The following TMTC2 variants were observed in gnomAD, a reference collection of about 807,000 sequenced individuals.
TMTC2 encodes the protein transmembrane O-mannosyltransferase targeting cadherins 2, also known as protein O-mannosyl-transferase TMTC2.
A neutral mutation model predicts 82.4 loss-of-function variants in TMTC2; 43 were observed. The ratio of observed to expected loss-of-function variants is 0.52; its 90% CI spans 0.41 to 0.67. The LOEUF (loss-of-function observed/expected upper bound fraction) is 0.67. Among genes scored for constraint, TMTC2 ranks in the 30% least tolerant of loss-of-function variants. The pLI is 0.00. For synonymous variants in TMTC2, 408 were observed against 381.9 expected (o/e 1.07, Z -0.80); for missense variants, 919 against 1,012.4 (o/e 0.91, Z 1.25).
chr12:83,050,884 CT>C lies in TMTC2; in HGVS notation c.2153-19del. The C allele has an allele frequency of 4.5e-6, 7 of 1,567,406 alleles. No individual in the cohort carries two copies. The highest frequency in any genetic ancestry group is 5.2e-6 in the Non-Finnish European group (6 of 1,144,170). On this transcript the variant is annotated intron_variant, in intron 9 of 11. Coordinates refer to ENST00000321196, the MANE Select transcript of TMTC2 (RefSeq NM_152588.3). ...ATGGGATTTTCTGAGTTGAAGCTCACTGGTTTTTATACTTTTCAGGTCAGTT... is the reference window on the plus strand; with the variant it reads ...ATGGGATTTTCTGAGTTGAAGCTCACGGTTTTTATACTTTTCAGGTCAGTT...
intron 1 of TMTC2, among the ~76,000 whole-genome samples, chr12:82,800,609 T>A (rs752990547): frequency 6.6e-6 from 1 of 152,194 alleles, no homozygotes; most frequent in Non-Finnish European, 1.5e-5. Context: ...TAGTAAATGC[T>A]ATTTAACATC....
intron 11 of TMTC2, among the ~76,000 whole-genome samples, chr12:83,069,877 A>G (rs890809174): frequency 4.6e-5 from 7 of 151,966 alleles, no homozygotes; most frequent in Non-Finnish European, 8.8e-5. Context: ...AAGGTGAGAG[A>G]TAAGGATCCA....
At chr12:83,119,476 T>G (rs1884878774) in intron 11 of TMTC2, among the ~76,000 whole-genome samples, 1 of 152,196 alleles carries the variant, frequency 6.6e-6, no homozygotes, top group South Asian at 2.1e-4. Flanking sequence ...TGGAGTTGAT[T>G]TCCAGTTCTA....
intron 1 of TMTC2, among the ~76,000 whole-genome samples, chr12:82,770,313 T>A (rs1406519586): frequency 3.3e-5 from 5 of 152,208 alleles, no homozygotes; most frequent in African/African-American, 1.2e-4. Context: ...ATTCTGAGTC[T>A]ATTGTTTATA....
chr12:82,871,566 A>G (rs1872177649), intron 2 of TMTC2, among the ~76,000 whole-genome samples: 1 of 152,146 alleles, frequency 6.6e-6, no homozygotes, highest in Non-Finnish European at 1.5e-5. Context: ...AAGTGCTAAT[A>G]TAATTCCTTA....
chr12:83,064,494 A>T (rs1047797518), intron 11 of TMTC2, among the ~76,000 whole-genome samples: 9 of 151,964 alleles, frequency 5.9e-5, no homozygotes, highest in Non-Finnish European at 1.5e-5. Flanking sequence ...TAAATAAATG[A>T]TGTTACCATT....
intron 11 of TMTC2, among the ~76,000 whole-genome samples, chr12:83,127,417 C>T (rs749749764): frequency 6.6e-6 from 1 of 152,022 alleles, no homozygotes; most frequent in Non-Finnish European, 1.5e-5. Context: ...CTTCATAAAA[C>T]GGAAATGGCC....
intron 8 of TMTC2, among the ~76,000 whole-genome samples, chr12:83,026,698 T>C (rs1881191755): frequency 7.2e-6 from 1 of 139,202 alleles, no homozygotes. Flanking sequence ...TTAGAAATGA[T>C]TGAAGGAGTG....
chr12:82,849,228 C>T (rs1366376174), intron 1 of TMTC2, among the ~76,000 whole-genome samples: 1 of 152,064 alleles, frequency 6.6e-6, no homozygotes, highest in Non-Finnish European at 1.5e-5. Flanking sequence ...CTATTTAGTT[C>T]AGTTTAACAA....
chr12:82,841,659 G>T (rs1164864571), intron 1 of TMTC2, among the ~76,000 whole-genome samples: 1 of 152,132 alleles, frequency 6.6e-6, no homozygotes, highest in African/African-American at 2.4e-5. Flanking sequence ...CATGTGTGTT[G>T]CTACAATATG....
At chr12:82,706,171 T>G (rs1873341086) in intron 1 of TMTC2, among the ~76,000 whole-genome samples, 1 of 151,698 alleles carries the variant, frequency 6.6e-6, no homozygotes, top group South Asian at 2.1e-4. Flanking sequence ...TAGCTGGGCT[T>G]GGTGGTGCAT....
intron 11 of TMTC2, among the ~76,000 whole-genome samples, chr12:83,068,573 T>C (rs1000683633): frequency 6.6e-6 from 1 of 152,192 alleles, no homozygotes; most frequent in African/African-American, 2.4e-5. Flanking sequence ...CTCCTGACTT[T>C]TAGGCATTGA....
At chr12:82,984,641 C>T (rs1437990431) in intron 7 of TMTC2, among the ~76,000 whole-genome samples, 2 of 152,126 alleles carry the variant, frequency 1.3e-5, no homozygotes, top group Non-Finnish European at 2.9e-5. Flanking sequence ...ATGCAAGTCA[C>T]CAGTTTACTG....
chr12:83,107,388 G>T (rs1454581724), intron 11 of TMTC2, among the ~76,000 whole-genome samples: 1 of 152,192 alleles, frequency 6.6e-6, no homozygotes, highest in Non-Finnish European at 1.5e-5. Flanking sequence ...GGCTTCTGGT[G>T]AAGGTCTTCT....
At chr12:82,877,541 A>AAGTCTAACAATTCAAAATCT (rs1246573162) in intron 2 of TMTC2, among the ~76,000 whole-genome samples, 2 of 152,222 alleles carry the variant, frequency 1.3e-5, no homozygotes, top group Non-Finnish European at 2.9e-5. Context: ...GGGAACATGC[A>AAGTCTAACAATTCAAAATCT]AGTCTAACAA....
At chr12:82,776,080 C>T (rs901318755) in intron 1 of TMTC2, among the ~76,000 whole-genome samples, 2 of 151,884 alleles carry the variant, frequency 1.3e-5, no homozygotes, top group African/African-American at 4.8e-5. Flanking sequence ...ATACAGTGTC[C>T]CATTGAATTG....
chr12:83,087,944 C>T (rs1362946774), intron 11 of TMTC2, among the ~76,000 whole-genome samples: 2 of 152,220 alleles, frequency 1.3e-5, no homozygotes, highest in Admixed American at 6.5e-5. Context: ...TGAAGCCAGG[C>T]AGTGACTTCT....
chr12:82,858,412 C>T (rs1046142394), intron 2 of TMTC2, among the ~76,000 whole-genome samples: 9 of 152,216 alleles, frequency 5.9e-5, no homozygotes, highest in East Asian at 1.9e-4. Context: ...GGCGTGAAGA[C>T]GGAACTGGGC....
chr12:82,835,751 C>G (rs999147097), intron 1 of TMTC2, among the ~76,000 whole-genome samples: 6 of 152,340 alleles, frequency 3.9e-5, no homozygotes, highest in African/African-American at 1.4e-4. Context: ...AGGCAGTTCG[C>G]ATTGATATGG....
Sources: allele counts gnomAD v4.1 joint callset (sites outside exome capture counted in the v4.1 genomes callset), GRCh38; gene constraint gnomAD v4.1.1; transcripts MANE v1.5; gene names NCBI Gene and HGNC (gene_info 2026-07-23, HGNC 2026-07-21).